Variants in EXOC6B observed in about 807,000 individuals in gnomAD.
EXOC6B encodes the protein exocyst complex component 6B, also known as SEC15 homolog B.
In EXOC6B, 54 loss-of-function variants were observed where a neutral mutation model predicts 113.5. The observed-to-expected ratio is 0.48, with a 90% CI of 0.38 to 0.60. The LOEUF (loss-of-function observed/expected upper bound fraction) is 0.60, where lower values mean the gene tolerates loss of function less well. Among genes scored for constraint, EXOC6B ranks in the 20% least tolerant of loss-of-function variants. The pLI is 0.00. For missense variants in EXOC6B, 797 were observed against 977.5 expected (o/e 0.82, Z 2.46); for synonymous variants, 357 against 339.0 (o/e 1.05, Z -0.58).
chr2:72,812,623 G>C (rs1280200815), intron 1 of EXOC6B, among the ~76,000 whole-genome samples: 3 of 152,152 alleles, frequency 2.0e-5, no homozygotes, highest in Non-Finnish European at 4.4e-5. Context: ...CCAAGAGTTA[G>C]AGGCTGCAGT....
intron 20 of EXOC6B, among the ~76,000 whole-genome samples, chr2:72,318,425 G>C (rs1273322622): frequency 6.6e-6 from 1 of 151,702 alleles, no homozygotes; most frequent in African/African-American, 2.4e-5. Flanking sequence ...ACAGAGTCTG[G>C]CTCTGTTGCC....
chr2:72,225,140 C>T (rs1681153326), intron 20 of EXOC6B, among the ~76,000 whole-genome samples: 1 of 151,288 alleles, frequency 6.6e-6, no homozygotes, highest in African/African-American at 2.4e-5. Context: ...GCATGAGGCA[C>T]CGCGCCCAGC....
intron 18 of EXOC6B, among the ~76,000 whole-genome samples, chr2:72,457,153 T>C (rs1368496457): frequency 6.6e-6 from 1 of 152,058 alleles, no homozygotes; most frequent in Non-Finnish European, 1.5e-5. Flanking sequence ...TAAGGTCCCA[T>C]TATGAAAAGT....
chr2:72,468,236 T>C (rs989710613), intron 17 of EXOC6B, among the ~76,000 whole-genome samples: 2 of 152,186 alleles, frequency 1.3e-5, no homozygotes, highest in African/African-American at 4.8e-5. Context: ...AACAATGTTA[T>C]GGAGATTTTT....
chr2:72,761,540 A>G (rs1313831560), intron 1 of EXOC6B, among the ~76,000 whole-genome samples: 1 of 152,144 alleles, frequency 6.6e-6, no homozygotes, highest in East Asian at 1.9e-4. Flanking sequence ...AATGTTCAAA[A>G]TAGATCAAAC....
intron 1 of EXOC6B, among the ~76,000 whole-genome samples, chr2:72,781,174 TCCCAATCTTAC>T (rs1350346153): frequency 6.6e-6 from 1 of 152,202 alleles, no homozygotes; most frequent in East Asian, 1.9e-4. Context: ...TCTAGTACTT[TCCCAATCTTAC>T]CCTAACATTT....
In EXOC6B at chr2:72,354,488, C is replaced by T. The variant is rs116440237; in HGVS notation, c.2123-19468G>A. ...TCTTGACAAGGATGGCATCTTAGGC[C>T]ACGATAAGGAGGAACAGGTTGCTTG... On this transcript the variant is annotated intron_variant, in intron 19 of 21. Transcript: ENST00000272427. Among the ~76,000 whole-genome samples the T allele has an allele frequency of 5.3e-3, 813 of 152,262 alleles. 7 individuals carry two copies. Among genetic ancestry groups the T allele is most frequent in the African/African-American group, 0.019 (779 of 41,554 alleles).
At chr2:72,431,166 A>G (rs989850665) in intron 18 of EXOC6B, among the ~76,000 whole-genome samples, 2 of 152,216 alleles carry the variant, frequency 1.3e-5, no homozygotes, top group Admixed American at 6.5e-5. Flanking sequence ...TATAATTTTT[A>G]GCGTTTAATA....
At chr2:72,551,162 T>C (rs1703198913) in intron 8 of EXOC6B, among the ~76,000 whole-genome samples, 1 of 152,154 alleles carries the variant, frequency 6.6e-6, no homozygotes, top group Non-Finnish European at 1.5e-5. Flanking sequence ...TCAATACTCA[T>C]GAGTCACCAC....
chr2:72,740,422 A>G (rs1422153588), intron 2 of EXOC6B, among the ~76,000 whole-genome samples: 5 of 152,258 alleles, frequency 3.3e-5, no homozygotes, highest in Admixed American at 3.3e-4. Flanking sequence ...ATTATTAGAA[A>G]TAACAGAAGA....
At chr2:72,459,952 A>G (rs1323420904) in intron 18 of EXOC6B, among the ~76,000 whole-genome samples, 1 of 152,186 alleles carries the variant, frequency 6.6e-6, no homozygotes, top group Non-Finnish European at 1.5e-5. Context: ...CTGACTTCAA[A>G]CCATACTATA....
chr2:72,752,079 T>C (rs1682079291), intron 1 of EXOC6B, among the ~76,000 whole-genome samples: 1 of 152,152 alleles, frequency 6.6e-6, no homozygotes, highest in Non-Finnish European at 1.5e-5. Flanking sequence ...TATCAGCTCA[T>C]TCTTCCATTA....
intron 20 of EXOC6B, among the ~76,000 whole-genome samples, chr2:72,285,221 C>T (rs1049511758): frequency 1.3e-5 from 2 of 152,030 alleles, no homozygotes; most frequent in Non-Finnish European, 2.9e-5. Flanking sequence ...TCAAGACTTA[C>T]TATAAAGCTA....
intron 1 of EXOC6B, among the ~76,000 whole-genome samples, chr2:72,768,233 T>C (rs1256250496): frequency 6.6e-6 from 1 of 150,850 alleles, no homozygotes; most frequent in Admixed American, 6.6e-5. Flanking sequence ...CAATGATATT[T>C]TCACATCATG....
chr2:72,729,349 T>G (rs1680497527), intron 5 of EXOC6B, among the ~76,000 whole-genome samples: 2 of 151,194 alleles, frequency 1.3e-5, no homozygotes, highest in African/African-American at 4.8e-5. Context: ...TCTTTACACA[T>G]ATATGAATCA....
chr2:72,434,828 C>T lies in EXOC6B; in HGVS notation c.1980+30332G>A, dbSNP rs1158410924. ...TTTATTAGTCTGGCTAGCAGTTTAT[C>T]TATTTTGTTAATCTTTTCAAAAAAC... On this transcript the variant is annotated intron_variant, in intron 18 of 21. Transcript: ENST00000272427. Among the ~76,000 whole-genome samples the T allele has an allele frequency of 2.0e-5, 3 of 151,976 alleles. No individual in the cohort carries two copies. The South Asian group carries it at 6.2e-4, about 31-fold the overall frequency.
intron 8 of EXOC6B, among the ~76,000 whole-genome samples, chr2:72,544,203 T>A (rs1702776790): frequency 6.6e-6 from 1 of 152,122 alleles, no homozygotes; most frequent in South Asian, 2.1e-4. Flanking sequence ...CATTAAACAG[T>A]CACCTGAATT....
At chr2:72,508,876 G>A (rs752038695) in intron 11 of EXOC6B, among the ~76,000 whole-genome samples, 4 of 152,184 alleles carry the variant, frequency 2.6e-5, no homozygotes, top group Admixed American at 6.5e-5. Context: ...TTCAAGGAGC[G>A]AGAATTCAAA....
At chr2:72,611,360 A>C (rs1487371061) in intron 6 of EXOC6B, among the ~76,000 whole-genome samples, 1 of 152,096 alleles carries the variant, frequency 6.6e-6, no homozygotes, top group Non-Finnish European at 1.5e-5. Context: ...TGTCTCAAAA[A>C]AAAAAACAAA....
Sources: gnomAD v4.1 joint callset for allele counts (sites outside exome capture counted in the v4.1 genomes callset) on GRCh38, gnomAD v4.1.1 for gene constraint, MANE v1.5 for transcripts, NCBI Gene and HGNC (gene_info 2026-07-23, HGNC 2026-07-21) for gene names.